Variants in CEP350 observed in about 807,000 individuals in gnomAD.
CEP350 encodes the protein centrosomal protein 350.
A neutral mutation model predicts 331.8 loss-of-function variants in CEP350; 126 were observed. That is an observed-to-expected ratio of 0.38 (90% CI 0.33 to 0.44). The LOEUF is 0.44. Among genes scored for constraint, CEP350 ranks in the 20% least tolerant of loss-of-function variants. The pLI is 1.00. For missense variants in CEP350, 3,406 were observed against 3,634.6 expected, an observed-to-expected ratio of 0.94 and a Z score of 1.62; for synonymous variants, 1,200 against 1,259.5, an observed-to-expected ratio of 0.95 and a Z score of 1.00.
At chr1:179,983,669 G>C (rs971013040) in intron 1 of CEP350, among the ~76,000 whole-genome samples, 1 of 152,228 alleles carries the variant, frequency 6.6e-6, no homozygotes, top group Non-Finnish European at 1.5e-5. Context: ...GACTTAATAG[G>C]TGAGCCCTTC....
At chr1:180,086,863 A>G (rs997529699) in intron 31 of CEP350, among the ~76,000 whole-genome samples, 1 of 152,172 alleles carries the variant, frequency 6.6e-6, no homozygotes, top group African/African-American at 2.4e-5. Context: ...AGTTCATTTT[A>G]TAAATATTTA....
chr1:180,031,960 A>G (rs1656051272), intron 15 of CEP350, among the ~76,000 whole-genome samples: 1 of 152,058 alleles, frequency 6.6e-6, no homozygotes, highest in South Asian at 2.1e-4. Flanking sequence ...CATTCTTTCA[A>G]CACAGCTACT....
chr1:180,111,264 T>C lies in CEP350; in HGVS notation c.*103T>C. 2 of 1,350,782 alleles carry C rather than the reference T, an allele frequency of 1.5e-6. No homozygotes were observed. The highest frequency in any genetic ancestry group is 2.0e-6 in the Non-Finnish European group (2 of 988,108). The allele number at this position is 1,350,782 out of a possible 1,614,324, so 83.7% of individuals were successfully genotyped here. A position where few individuals can be genotyped will look rare whatever the true frequency, so the allele number is the denominator to read the frequency against. ...ATCATAGCAAGAGTGCTTCTGGACC[T>C]TGTACTTATTCTTAAAGACTACCAG... is the stretch of plus-strand genomic sequence containing the variant. On this transcript the variant is annotated 3_prime_UTR_variant, in exon 38 of 38. Coordinates refer to ENST00000367607, the MANE Select transcript of CEP350 (RefSeq NM_014810.5).
chr1:180,032,519 A>T (rs576522312), intron 15 of CEP350, among the ~76,000 whole-genome samples: 2 of 152,110 alleles, frequency 1.3e-5, no homozygotes, highest in Non-Finnish European at 2.9e-5. Flanking sequence ...AGTTTCATCA[A>T]TGCCCCATAC....
rs376638080 is a variant in CEP350, at chr1:179,975,582, TAAAG to T, written c.-13-10583_-13-10580del. ...TGTATGAGGCATATTTTACATATAA[TAAAG>T]AAACAAAGGTATAAATGATATGATA... On this transcript the variant is annotated intron_variant, in intron 1 of 37. Coordinates refer to ENST00000367607, the MANE Select transcript of CEP350 (RefSeq NM_014810.5). Among the ~76,000 whole-genome samples, 890 of 152,102 alleles carry T rather than the reference TAAAG, an allele frequency of 5.9e-3. 5 individuals are homozygous for T. Among genetic ancestry groups the T allele is most frequent in the African/African-American group, 0.021 (862 of 41,492 alleles).
At chr1:180,058,807 A>G (rs774524072) in intron 25 of CEP350, among the ~76,000 whole-genome samples, 9 of 152,288 alleles carry the variant, frequency 5.9e-5, no homozygotes, top group African/African-American at 1.2e-4. Flanking sequence ...CCAAAGTGTA[A>G]GAATATATGT....
chr1:179,984,339 A>T (rs764852140), intron 1 of CEP350, among the ~76,000 whole-genome samples: 1 of 152,216 alleles, frequency 6.6e-6, no homozygotes, highest in East Asian at 1.9e-4. Context: ...TTTTGGCTCA[A>T]TGTCTCTCAT....
At chr1:180,071,962 C>T (rs757993984) in intron 27 of CEP350, among the ~76,000 whole-genome samples, 2 of 152,096 alleles carry the variant, frequency 1.3e-5, no homozygotes, top group Non-Finnish European at 2.9e-5. Flanking sequence ...TTGTATTAGT[C>T]GGCATTTATG....
At chr1:179,986,669 G>C (rs916038005) in intron 2 of CEP350, among the ~76,000 whole-genome samples, 3 of 152,118 alleles carry the variant, frequency 2.0e-5, no homozygotes, top group Admixed American at 6.6e-5. Flanking sequence ...AGTACATCTG[G>C]AGGAAGATTA....
chr1:180,022,619 A>T (rs1182146084), intron 12 of CEP350, 79 bp from the exon 13 acceptor site: 1 of 1,284,136 alleles, frequency 7.8e-7, no homozygotes, highest in Non-Finnish European at 1.1e-6. Flanking sequence ...CCATATTGCT[A>T]ATCTCCATGT....
intron 7 of CEP350, among the ~76,000 whole-genome samples, chr1:180,004,906 G>GCTTGCTTGCTTTCTTGCTTTCTTT (rs1363516834): frequency 2.2e-4 from 29 of 130,796 alleles, no homozygotes; most frequent in African/African-American, 8.7e-4. Flanking sequence ...TTGCTTGCTT[G>GCTTGCTTGCTTTCTTGCTTTCTTT]CTTTCTTTCT....
At chr1:180,105,120 G>T (rs1339922078) in intron 37 of CEP350, among the ~76,000 whole-genome samples, 2 of 151,670 alleles carry the variant, frequency 1.3e-5, no homozygotes, top group Non-Finnish European at 2.9e-5. Flanking sequence ...AATCTGCTTG[G>T]ATTAATAAAC....
Position 180,014,047 on chromosome 1 carries a change from C to T in CEP350, c.1594C>T (p.Leu532Phe). The stretch of plus-strand genomic sequence containing the variant: ...TTTACCTATTGAAATTCGTGGCATT[C>T]TTGATGACCTACAGCTGGATTCTAC... ...DFLPIEIRGI[L>F]DDLQLDSTAH... Residue 532 changes from leucine to phenylalanine, a missense_variant, in exon 10 of 38, where the codon CTT becomes TTT. Physicochemically the swap from Leu to Phe is conservative, Grantham distance 22. Transcript: ENST00000367607. 6.2e-7 allele frequency: 1 copy of T among 1,612,574 alleles called. No individual in the cohort carries two copies. The highest frequency in any genetic ancestry group is 8.5e-7 in the Non-Finnish European group (1 of 1,179,172).
Position 180,031,502 on chromosome 1 carries a change from A to G in CEP350, c.3725+8A>G, listed in dbSNP as rs2148879613. 2 of 1,312,188 alleles carry G rather than the reference A, an allele frequency of 1.5e-6. No individual in the cohort carries two copies. The highest frequency in any genetic ancestry group is 3.7e-5 in the South Asian group (2 of 54,686). The allele number at this position is 1,312,188 out of a possible 1,614,324, so 81.3% of individuals were successfully genotyped here. Reference sequence around the variant, plus strand: ...TTCTGGACATTCTGTGAGGTAATGTATATTTTATACTGTAATTTATATATA... The same window carrying G: ...TTCTGGACATTCTGTGAGGTAATGTGTATTTTATACTGTAATTTATATATA... On this transcript the variant is annotated splice_region_variant and intron_variant, in intron 15 of 37. Coordinates refer to ENST00000367607, the MANE Select transcript of CEP350 (RefSeq NM_014810.5).
intron 31 of CEP350, chr1:180,085,929 G>A (rs1465092097): frequency 6.6e-6 from 1 of 152,166 alleles, no homozygotes; most frequent in Non-Finnish European, 1.5e-5. Flanking sequence ...ACAACAAGGT[G>A]TGAGTATTAT....
chr1:179,990,372 A>T (rs1652968668), intron 3 of CEP350, 135 bp from the exon 4 acceptor site: 1 of 419,018 alleles, frequency 2.4e-6, no homozygotes, highest in African/African-American at 2.0e-5. Context: ...AAATATTATA[A>T]GAAAGGATTC....
chr1:179,960,918 A>T (rs1650559539), intron 1 of CEP350, among the ~76,000 whole-genome samples: 1 of 152,106 alleles, frequency 6.6e-6, no homozygotes, highest in African/African-American at 2.4e-5. Context: ...TAGGGGTTCC[A>T]TGAAAAAAAT....
At chr1:180,063,750 C>T (rs1215007127) in intron 26 of CEP350, among the ~76,000 whole-genome samples, 4 of 152,008 alleles carry the variant, frequency 2.6e-5, no homozygotes, top group Non-Finnish European at 4.4e-5. Flanking sequence ...CAGGCCAAAG[C>T]TGCAGTAAGC....
At chr1:179,966,868 CT>C (rs1366768489) in intron 1 of CEP350, among the ~76,000 whole-genome samples, 1 of 152,146 alleles carries the variant, frequency 6.6e-6, no homozygotes, top group Non-Finnish European at 1.5e-5. Context: ...TCTCCAGTTG[CT>C]TTGAGAGAGC....
Sources: gnomAD v4.1 joint callset for allele counts (sites outside exome capture counted in the v4.1 genomes callset) on GRCh38, gnomAD v4.1.1 for gene constraint, MANE v1.5 for transcripts, NCBI Gene and HGNC (gene_info 2026-07-23, HGNC 2026-07-21) for gene names.